Variants in LRIG2 observed in about 807,000 individuals in gnomAD.
The protein encoded by LRIG2 is leucine-rich repeats and immunoglobulin-like domains protein 2.
Under a neutral mutation model 107.8 loss-of-function variants are expected in LRIG2, and 93 were observed. The ratio of observed to expected loss-of-function variants is 0.86; its 90% CI spans 0.73 to 1.03. The LOEUF is 1.03. LRIG2 is among the 50% of genes least tolerant of loss of function. The pLI, the probability that LRIG2 is intolerant of heterozygous loss-of-function variation, is 0.00. For missense variants in LRIG2, 1,226 were observed against 1,296.0 expected, an observed-to-expected ratio of 0.95 and a Z score of 0.83; for synonymous variants, 471 against 470.6, an observed-to-expected ratio of 1.00 and a Z score of -0.01.
rs2101075683 is a variant in LRIG2 at position 113,124,815 on chromosome 1, G to A, written c.*714G>A. 1 of 152,278 alleles carries A rather than the reference G, an allele frequency of 6.6e-6. No individual in the cohort carries two copies. The allele number at this position is 152,278 out of a possible 1,614,324, so 9.4% of individuals were successfully genotyped here. Reference sequence around the variant, plus strand: ...TAATATCCAGTTATAATATTGACAAGTAGCTTCTCAGATCACAGATTTTAA... The same window carrying A: ...TAATATCCAGTTATAATATTGACAAATAGCTTCTCAGATCACAGATTTTAA... On this transcript the variant is annotated 3_prime_UTR_variant, in exon 18 of 18. Coordinates refer to ENST00000361127, the MANE Select transcript of LRIG2 (RefSeq NM_014813.3).
At chr1:113,099,283 G>T (rs1361278064) in intron 9 of LRIG2, among the ~76,000 whole-genome samples, 2 of 130,764 alleles carry the variant, frequency 1.5e-5, no homozygotes, top group African/African-American at 6.0e-5. Context: ...TGTCACCCAG[G>T]CTGGAGTGCT....
rs561034069 is a variant in LRIG2, at chr1:113,077,766, A to G, written c.239+4121A>G. Reference sequence around the variant, plus strand: ...ATTTATTTATTCTACTTTAAGTTCTAGGGTACATGTGCACAACTTGCAGGT... The same window carrying G: ...ATTTATTTATTCTACTTTAAGTTCTGGGGTACATGTGCACAACTTGCAGGT... On this transcript the variant is annotated intron_variant, in intron 1 of 17. Transcript: ENST00000361127. Among the ~76,000 whole-genome samples, 11 of 152,094 alleles carry G rather than the reference A, an allele frequency of 7.2e-5. No individual in the cohort carries two copies. The South Asian group carries it at 2.3e-3, about 32-fold the overall frequency.
intron 14 of LRIG2, 57 bp downstream of exon 14, chr1:113,112,817 T>TGAAG (rs1225672854): frequency 1.4e-6 from 2 of 1,476,610 alleles, no homozygotes; most frequent in Non-Finnish European, 1.8e-6. Context: ...GAGCTACTCT[T>TGAAG]GGTCTTAATG....
At chr1:113,076,904 C>T (rs1653003473) in intron 1 of LRIG2, among the ~76,000 whole-genome samples, 1 of 152,138 alleles carries the variant, frequency 6.6e-6, no homozygotes. Context: ...TCTGATTACA[C>T]ACACATACAC....
chr1:113,089,489 T>G (rs1218505497), intron 1 of LRIG2, among the ~76,000 whole-genome samples: 1 of 152,186 alleles, frequency 6.6e-6, no homozygotes, highest in Non-Finnish European at 1.5e-5. Flanking sequence ...CTATGCCTGT[T>G]TCCATATTAG....
At chr1:113,099,244 C>CCTTTTTTTTT (rs1553228725) in intron 9 of LRIG2, among the ~76,000 whole-genome samples, 6 of 117,944 alleles carry the variant, frequency 5.1e-5, no homozygotes, top group African/African-American at 1.9e-4. Flanking sequence ...TGGTTTTTTT[C>CCTTTTTTTTT]TTTTTTTTTT....
chr1:113,075,488 C>A (rs1434155378), intron 1 of LRIG2, among the ~76,000 whole-genome samples: 5 of 152,136 alleles, frequency 3.3e-5, no homozygotes, highest in African/African-American at 1.2e-4. Flanking sequence ...CCTGTAGTCA[C>A]TTCTGGTTTT....
At position 113,085,526 on chromosome 1, in the gene LRIG2, C is replaced by T. The variant is rs138758442; in HGVS notation, c.240-5792C>T. ...CCCGCACTTCTGACCTCAGGTGATC[C>T]GCCCGCCTTGGCTTCCCAAAGTGCT... On this transcript the variant is annotated intron_variant, in intron 1 of 17. Coordinates refer to ENST00000361127, the MANE Select transcript of LRIG2 (RefSeq NM_014813.3). Among the ~76,000 whole-genome samples the T allele has an allele frequency of 8.1e-3, 1,233 of 152,310 alleles. 4 individuals carry two copies. Among genetic ancestry groups the T allele is most frequent in the Non-Finnish European group, 0.012 (828 of 68,030 alleles).
At chr1:113,095,799 A>C (rs1356497622) in intron 6 of LRIG2, 75 bp from the exon 7 acceptor site, 4 of 1,510,524 alleles carry the variant, frequency 2.6e-6, no homozygotes, top group South Asian at 1.1e-5. Context: ...CTCTGGGAAA[A>C]ACTTAAGATT....
intron 12 of LRIG2, among the ~76,000 whole-genome samples, chr1:113,108,094 G>A (rs1460902502): frequency 6.6e-6 from 1 of 152,118 alleles, no homozygotes; most frequent in Admixed American, 6.5e-5. Context: ...TGAATATACT[G>A]ATTCTGTGTG....
At position 113,073,201 on chromosome 1, in the gene LRIG2, C is replaced by T; in HGVS notation, c.-206C>T. On this transcript the variant is annotated 5_prime_UTR_variant, in exon 1 of 18. It adds an upstream start codon to the 5' untranslated region. Transcript: ENST00000361127. ...ACGTTGCGCCGTGGGGAGGGGCGGA[C>T]GAGAGGTGTCCGTCAGGCCGTGTGT... is the stretch of plus-strand genomic sequence containing the variant. 1.7e-6 allele frequency: 1 copy of T among 580,628 alleles called. No homozygotes were observed. The highest frequency in any genetic ancestry group is 3.1e-6 in the Non-Finnish European group (1 of 324,924). The allele number at this position is 580,628 out of a possible 1,614,324, so 36.0% of individuals were successfully genotyped here.
At chr1:113,121,120 A>AG (rs1461028976) in intron 17 of LRIG2, among the ~76,000 whole-genome samples, 1 of 152,118 alleles carries the variant, frequency 6.6e-6, no homozygotes, top group African/African-American at 2.4e-5. Flanking sequence ...CTGGCTGAGA[A>AG]GAGTTTTAAA....
At position 113,116,357 on chromosome 1, in the gene LRIG2, A is replaced by G; in HGVS notation, c.2601A>G (p.Glu867=). ...SSQGTLSEPQ[E]GYSNSEAGSH... Reference sequence around the variant, plus strand: ...AAGGAACGCTGTCTGAGCCACAGGAAGGCTACAGCAACTCTGAGGCAGGCA... The same window carrying G: ...AAGGAACGCTGTCTGAGCCACAGGAGGGCTACAGCAACTCTGAGGCAGGCA... The change falls in exon 16 of 18, where the codon GAA becomes GAG. Residue 867 remains glutamate (E), a synonymous_variant. Coordinates refer to ENST00000361127, the MANE Select transcript of LRIG2 (RefSeq NM_014813.3). 6.2e-7 allele frequency: 1 copy of G among 1,614,072 alleles called. No homozygotes were observed. Among genetic ancestry groups the G allele is most frequent in the Admixed American group, 1.7e-5 (1 of 60,018 alleles).
rs1001951620 is a variant in LRIG2 at position 113,109,667 on chromosome 1, C to T, written c.1478-575C>T. 7.2e-5 allele frequency among the ~76,000 whole-genome samples: 11 copies of T among 152,136 alleles called. No homozygotes were observed. The South Asian group carries it at 8.3e-4, about 12-fold the overall frequency. ...TCAAGTAGCTGGGATTACAGGCGGCCGCCACCTCGCCTGGGTAATTTTTGT... is the reference window on the plus strand; with the variant it reads ...TCAAGTAGCTGGGATTACAGGCGGCTGCCACCTCGCCTGGGTAATTTTTGT... On this transcript the variant is annotated intron_variant, in intron 12 of 17. Transcript: ENST00000361127.
At position 113,112,631 on chromosome 1, in the gene LRIG2, A is replaced by G. The variant is rs542946474; in HGVS notation, c.1951A>G (p.Met651Val). The change falls in exon 14 of 18, where the codon ATG becomes GTG. Residue 651 changes from methionine to valine, a missense_variant. By Grantham distance (21) the Met-to-Val change is conservative. Transcript: ENST00000361127. Reference protein sequence around the residue: ...TDFPAARERRMHVMPEDDVFF... With the variant: ...TDFPAARERRVHVMPEDDVFF... Reference sequence around the variant, plus strand: ...CTTTCCTGCGGCTCGAGAAAGACGCATGCACGTCATGCCCGAGGATGACGT... The same window carrying G: ...CTTTCCTGCGGCTCGAGAAAGACGCGTGCACGTCATGCCCGAGGATGACGT... 1.5e-5 allele frequency: 25 copies of G among 1,614,224 alleles called. 1 individual carries two copies. The South Asian group carries it at 2.1e-4, about 13-fold the overall frequency.
chr1:113,097,247 G>A (rs575075788), intron 8 of LRIG2, among the ~76,000 whole-genome samples: 6 of 151,846 alleles, frequency 4.0e-5, no homozygotes, highest in African/African-American at 1.4e-4. Context: ...ATGAAATATA[G>A]TAATCTCAAA....
At position 113,073,630 on chromosome 1, in the gene LRIG2, C is replaced by G. The variant is rs761483907; in HGVS notation, c.224C>G (p.Pro75Arg). The G allele has an allele frequency of 1.9e-6, 3 of 1,612,782 alleles. No homozygotes were observed. The highest frequency in any genetic ancestry group is 1.7e-5 in the Admixed American group (1 of 60,008). The change falls in exon 1 of 18, where the codon CCC becomes CGC. Residue 75 changes from proline (P) to arginine (R), a missense_variant. Pro to Arg is a moderately radical substitution (Grantham distance 103). Coordinates refer to ENST00000361127, the MANE Select transcript of LRIG2 (RefSeq NM_014813.3). ...SWRALSGLLP[P>R]DTAILDFSHN... ...AGGGCGCTGTCGGGCTTGCTGCCCC[C>G]CGACACCGCTATCCTGTGAGTAGAG...
intron 2 of LRIG2, among the ~76,000 whole-genome samples, chr1:113,092,733 G>A (rs1310913833): frequency 2.0e-5 from 3 of 152,170 alleles, no homozygotes; most frequent in African/African-American, 7.2e-5. Context: ...GCTTACGCCG[G>A]TAATCCCAGT....
intron 1 of LRIG2, among the ~76,000 whole-genome samples, chr1:113,074,509 T>G (rs1652865327): frequency 6.6e-6 from 1 of 152,196 alleles, no homozygotes; most frequent in South Asian, 2.1e-4. Context: ...AGGTATTAAA[T>G]GCTGCAATTA....
Sources: allele counts gnomAD v4.1 joint callset (sites outside exome capture counted in the v4.1 genomes callset), GRCh38; gene constraint gnomAD v4.1.1; transcripts MANE v1.5; gene names NCBI Gene and HGNC (gene_info 2026-07-23, HGNC 2026-07-21).